The following ENKUR variants were observed in gnomAD, a reference collection of about 807,000 sequenced individuals.
The protein encoded by ENKUR is enkurin.
A neutral mutation model predicts 27.6 loss-of-function variants in ENKUR; 19 were observed. The ratio of observed to expected loss-of-function variants is 0.69; its 90% confidence interval spans 0.48 to 1.01. The LOEUF is 1.01. ENKUR is among the 50% of genes least tolerant of loss of function. ENKUR has a pLI of 0.00. For missense variants in ENKUR, 312 were observed against 310.5 expected (o/e 1.00, Z -0.04); for synonymous variants, 117 against 96.9 (o/e 1.21, Z -1.22).
upstream of ENKUR, among the ~76,000 whole-genome samples, chr10:25,019,187 T>G (rs146534529): frequency 6.8e-3 from 1,043 of 152,328 alleles, 7 homozygotes; most frequent in Non-Finnish European, 0.01. Flanking sequence ...TATTTTAAAA[T>G]TTTAGTTGGG....
In ENKUR at chr10:25,025,607, G is replaced by C. The variant is rs1588676728; in HGVS notation, c.38-29738C>G. 4.3e-5 allele frequency: 31 copies of C among 720,342 alleles called. No homozygotes were observed. The East Asian group carries it at 7.4e-4, about 17-fold the overall frequency. The allele number at this position is 720,342 out of a possible 1,614,324, so 44.6% of individuals were successfully genotyped here. On this transcript the variant is annotated intron_variant, in intron 2 of 5. Transcript: ENST00000615958. ...AGTCTGATCTCTAGGGCTGACATGA[G>C]AACTCCATGTCACCTCCTCAGATCT...
At chr10:25,024,262 A>G in intron 2 of ENKUR, 1 of 1,614,164 alleles carries the variant, frequency 6.2e-7, no homozygotes, top group Non-Finnish European at 8.5e-7. Flanking sequence ...TCATGGACCA[A>G]CAGGATCATT....
chr10:24,992,591 T>C (rs1849949854), intron 3 of ENKUR, among the ~76,000 whole-genome samples: 1 of 152,186 alleles, frequency 6.6e-6, no homozygotes. Flanking sequence ...CTGTCTGGTC[T>C]AGTGACAAGC....
chr10:25,028,834 A>G (rs1367880101), intron 2 of ENKUR, among the ~76,000 whole-genome samples: 1 of 152,198 alleles, frequency 6.6e-6, no homozygotes, highest in South Asian at 2.1e-4. Flanking sequence ...TTCTTCCTCC[A>G]GCTGTAACTA....
chr10:25,060,050 A>G (rs1851308732), intron 2 of ENKUR, among the ~76,000 whole-genome samples: 3 of 152,116 alleles, frequency 2.0e-5, no homozygotes, highest in Admixed American at 1.3e-4. Flanking sequence ...GTTGTCTAAT[A>G]TATGCAACCC....
chr10:25,059,799 G>A (rs375480752), intron 2 of ENKUR, among the ~76,000 whole-genome samples: 1 of 152,018 alleles, frequency 6.6e-6, no homozygotes, highest in African/African-American at 2.4e-5. Context: ...ATTCCAGCCT[G>A]GGTGACAGTG....
chr10:25,051,553 G>T (rs1851186214), intron 2 of ENKUR, among the ~76,000 whole-genome samples: 1 of 152,180 alleles, frequency 6.6e-6, no homozygotes, highest in Non-Finnish European at 1.5e-5. Flanking sequence ...GCAAGGGACA[G>T]GAGAGGTGCC....
At chr10:25,054,311 A>G (rs1205386331) in intron 2 of ENKUR, among the ~76,000 whole-genome samples, 1 of 152,154 alleles carries the variant, frequency 6.6e-6, no homozygotes, top group Non-Finnish European at 1.5e-5. Flanking sequence ...AATCTCAGCT[A>G]TTTAGGAGGC....
intron 2 of ENKUR, chr10:25,025,541 T>C (rs976780792): frequency 1.5e-6 from 2 of 1,312,250 alleles, no homozygotes; most frequent in Non-Finnish European, 2.1e-6. Context: ...TAGCATTTTG[T>C]CTTTTATGTA....
At chr10:25,054,457 T>TTCTC (rs1851224336) in intron 2 of ENKUR, among the ~76,000 whole-genome samples, 1 of 100,860 alleles carries the variant, frequency 9.9e-6, no homozygotes, top group Non-Finnish European at 2.1e-5. Context: ...GTTTTTTCTC[T>TTCTC]TTTCTTTCTT....
At chr10:24,995,536 G>A in intron 3 of ENKUR, 110 bp downstream of exon 3, 1 of 980,192 alleles carries the variant, frequency 1.0e-6, no homozygotes, top group Non-Finnish European at 1.5e-6. Flanking sequence ...CAGCAAAGTA[G>A]ACAATGTGTC....
chr10:25,031,294 A>C (rs6482467), intron 2 of ENKUR, among the ~76,000 whole-genome samples: 5 of 151,950 alleles, frequency 3.3e-5, no homozygotes, highest in African/African-American at 1.2e-4. Context: ...GGATTTCAAG[A>C]CCAGGCCATA....
chr10:25,004,548 C>T (rs1437347666), intron 1 of ENKUR, among the ~76,000 whole-genome samples: 1 of 152,078 alleles, frequency 6.6e-6, no homozygotes, highest in Non-Finnish European at 1.5e-5. Flanking sequence ...GCTTGTTGGT[C>T]ACATGTATGT....
At position 25,058,562 on chromosome 10, in the gene ENKUR, C is replaced by G. The variant is rs112207745; in HGVS notation, c.37+2550G>C. On this transcript the variant is annotated intron_variant, in intron 2 of 5. Transcript: ENST00000615958. ...GTTCTCACCCTTGATCTATCCCATA[C>G]TGATTAGAAATGAGAGCGCTTATTC... Among the ~76,000 whole-genome samples, 257 of 152,276 alleles carry G rather than the reference C, an allele frequency of 1.7e-3. 1 individual carries two copies. The highest frequency in any genetic ancestry group is 5.3e-3 in the African/African-American group (221 of 41,544).
intron 2 of ENKUR, among the ~76,000 whole-genome samples, chr10:25,053,578 A>T (rs1851212482): frequency 6.6e-6 from 1 of 152,186 alleles, no homozygotes; most frequent in African/African-American, 2.4e-5. Context: ...ATAAATAGTT[A>T]GATGCAGCAG....
chr10:24,997,343 C>T (rs1023005810), intron 2 of ENKUR, among the ~76,000 whole-genome samples: 4 of 151,430 alleles, frequency 2.6e-5, no homozygotes, highest in Admixed American at 6.6e-5. Context: ...CTCATTGGAC[C>T]GAGTTTTTAA....
At chr10:25,013,327 CAG>C (rs1291111104) in intron 1 of ENKUR, among the ~76,000 whole-genome samples, 2 of 152,126 alleles carry the variant, frequency 1.3e-5, no homozygotes, top group African/African-American at 2.4e-5. Flanking sequence ...GAATGGTTAA[CAG>C]AATGTATAAA....
intron 2 of ENKUR, among the ~76,000 whole-genome samples, chr10:25,055,650 CA>C (rs1201023569): frequency 6.6e-6 from 1 of 151,612 alleles, no homozygotes; most frequent in East Asian, 1.9e-4. Context: ...ACAGAAATGG[CA>C]ATGATCAAAA....
At chr10:24,998,150 T>C (rs1046302215) in intron 2 of ENKUR, among the ~76,000 whole-genome samples, 1 of 152,158 alleles carries the variant, frequency 6.6e-6, no homozygotes, top group East Asian at 1.9e-4. Flanking sequence ...AATACTGCCA[T>C]AAAGAGAAGT....
Sources: gnomAD v4.1 joint callset for allele counts (sites outside exome capture counted in the v4.1 genomes callset) on GRCh38, gnomAD v4.1.1 for gene constraint, MANE v1.5 for transcripts, NCBI Gene and HGNC (gene_info 2026-07-23, HGNC 2026-07-21) for gene names.